The following NOS1AP variants were observed in gnomAD, a reference collection of about 807,000 sequenced individuals.
NOS1AP encodes nitric oxide synthase 1 adaptor protein.
Under a neutral mutation model 56.2 loss-of-function variants are expected in NOS1AP, and 21 were observed. That is an observed-to-expected ratio of 0.37 (90% CI 0.26 to 0.54). The LOEUF is 0.54. Ranked by LOEUF, NOS1AP falls within the 20% of genes least tolerant of loss-of-function variation. NOS1AP has a pLI of 0.84. For synonymous variants in NOS1AP, 270 were observed against 274.6 expected (o/e 0.98, Z 0.17); for missense variants, 522 against 657.8 (o/e 0.79, Z 2.26).
chr1:162,334,493 A>G (rs1205320368), intron 5 of NOS1AP, among the ~76,000 whole-genome samples: 2 of 152,186 alleles, frequency 1.3e-5, no homozygotes, highest in African/African-American at 2.4e-5. Flanking sequence ...GGAAAGTGAA[A>G]GGCTCGTATG....
chr1:162,181,631 G>T (rs910840096), intron 2 of NOS1AP, among the ~76,000 whole-genome samples: 1 of 152,178 alleles, frequency 6.6e-6, no homozygotes, highest in South Asian at 2.1e-4. Flanking sequence ...GTTATCAAGG[G>T]CCTTTTGAAT....
At chr1:162,363,663 TA>T in intron 8 of NOS1AP, 1 of 454,326 alleles carries the variant, frequency 2.2e-6, no homozygotes, top group Non-Finnish European at 2.9e-6. Flanking sequence ...ACTAATCATC[TA>T]ATAAGCATAC....
At chr1:162,120,697 T>C (rs1302895389) in intron 1 of NOS1AP, among the ~76,000 whole-genome samples, 3 of 152,226 alleles carry the variant, frequency 2.0e-5, no homozygotes, top group African/African-American at 7.2e-5. Flanking sequence ...GCCCCCCCCA[T>C]GATTCGATTA....
intron 2 of NOS1AP, among the ~76,000 whole-genome samples, chr1:162,245,833 T>C (rs992837127): frequency 6.6e-6 from 1 of 152,250 alleles, no homozygotes; most frequent in Non-Finnish European, 1.5e-5. Context: ...GCAATGGAGT[T>C]GGTAATCTTC....
At chr1:162,312,051 A>G (rs1435892085) in intron 4 of NOS1AP, among the ~76,000 whole-genome samples, 2 of 147,978 alleles carry the variant, frequency 1.4e-5, no homozygotes, top group Non-Finnish European at 3.0e-5. Flanking sequence ...ATACGTGTGC[A>G]TGTGTCTTTA....
At chr1:162,118,090 CT>C (rs1648044546) in intron 1 of NOS1AP, among the ~76,000 whole-genome samples, 1 of 152,190 alleles carries the variant, frequency 6.6e-6, no homozygotes, top group African/African-American at 2.4e-5. Flanking sequence ...ATAACAATTG[CT>C]TTTTAAAAAC....
intron 2 of NOS1AP, among the ~76,000 whole-genome samples, chr1:162,216,866 A>T (rs751293243): frequency 6.6e-6 from 1 of 152,184 alleles, no homozygotes; most frequent in Non-Finnish European, 1.5e-5. Flanking sequence ...TCCAATGAGT[A>T]AGACAGCATA....
chr1:162,292,550 A>G (rs1031250046), intron 3 of NOS1AP, among the ~76,000 whole-genome samples: 3 of 152,158 alleles, frequency 2.0e-5, no homozygotes, highest in Non-Finnish European at 2.9e-5. Context: ...CTCACATCCT[A>G]TCAGTGGTGA....
chr1:162,149,001 A>G (rs1292138166), intron 1 of NOS1AP, among the ~76,000 whole-genome samples: 4 of 152,174 alleles, frequency 2.6e-5, no homozygotes, highest in Non-Finnish European at 5.9e-5. Flanking sequence ...GGGGGCTGCT[A>G]ATCAGGATGA....
chr1:162,132,436 C>T (rs1414751461), intron 1 of NOS1AP, among the ~76,000 whole-genome samples: 2 of 152,156 alleles, frequency 1.3e-5, no homozygotes, highest in Non-Finnish European at 2.9e-5. Flanking sequence ...ATAAGATCCT[C>T]ATAGGAGAAA....
At chr1:162,364,106 A>G in intron 8 of NOS1AP, 1 of 985,330 alleles carries the variant, frequency 1.0e-6, no homozygotes, top group Non-Finnish European at 1.2e-6. Context: ...TTTACTCCCT[A>G]AAAAAATGTG....
chr1:162,282,968 G>A (rs1654979246), intron 2 of NOS1AP, among the ~76,000 whole-genome samples: 1 of 152,032 alleles, frequency 6.6e-6, no homozygotes, highest in Non-Finnish European at 1.5e-5. Flanking sequence ...TAAGAATGAG[G>A]GAGACCTGCT....
chr1:162,314,970 A>G (rs1656185252), intron 4 of NOS1AP, among the ~76,000 whole-genome samples: 1 of 152,268 alleles, frequency 6.6e-6, no homozygotes, highest in Non-Finnish European at 1.5e-5. Flanking sequence ...TGCTTAATAA[A>G]TTTTATTTAC....
At chr1:162,075,720 C>T (rs181761260) in intron 1 of NOS1AP, among the ~76,000 whole-genome samples, 1 of 152,228 alleles carries the variant, frequency 6.6e-6, no homozygotes, top group African/African-American at 2.4e-5. Context: ...ACGTAGTTCA[C>T]TTTCTTATGC....
chr1:162,328,140 C>T (rs1656652517), intron 4 of NOS1AP, among the ~76,000 whole-genome samples: 1 of 152,160 alleles, frequency 6.6e-6, no homozygotes, highest in Non-Finnish European at 1.5e-5. Context: ...AAATAAGGGA[C>T]TTGGAAAATG....
At chr1:162,229,478 A>G (rs148506067) in intron 2 of NOS1AP, among the ~76,000 whole-genome samples, 239 of 152,268 alleles carry the variant, frequency 1.6e-3, no homozygotes, top group African/African-American at 5.5e-3. Context: ...ATATTTTTAA[A>G]TATTACATTA....
At chr1:162,242,612 A>G (rs1653521330) in intron 2 of NOS1AP, among the ~76,000 whole-genome samples, 1 of 152,192 alleles carries the variant, frequency 6.6e-6, no homozygotes, top group Non-Finnish European at 1.5e-5. Flanking sequence ...CAAAACCCCA[A>G]GCAAGAACTG....
At chr1:162,298,116 C>T (rs1655531095) in intron 3 of NOS1AP, among the ~76,000 whole-genome samples, 1 of 152,256 alleles carries the variant, frequency 6.6e-6, no homozygotes, top group South Asian at 2.1e-4. Context: ...GAAGACCGTC[C>T]TCACTGGCAC....
chr1:162,141,538 C>T (rs945283468), intron 1 of NOS1AP, among the ~76,000 whole-genome samples: 8 of 152,170 alleles, frequency 5.3e-5, no homozygotes, highest in Non-Finnish European at 8.8e-5. Flanking sequence ...TGTCTCTCTT[C>T]CCTCTTTGTT....
Sources: allele counts gnomAD v4.1 joint callset (sites outside exome capture counted in the v4.1 genomes callset), GRCh38; gene constraint gnomAD v4.1.1; transcripts MANE v1.5; gene names NCBI Gene and HGNC (gene_info 2026-07-23, HGNC 2026-07-21).